Variants in IL17RC observed in about 807,000 individuals in gnomAD.
IL17RC encodes the protein interleukin 17 receptor C, also known as interleukin-17 receptor C.
In IL17RC, 53 loss-of-function variants were observed where a neutral mutation model predicts 86.7. The ratio of observed to expected loss-of-function variants is 0.61; its 90% CI spans 0.49 to 0.77. The LOEUF (loss-of-function observed/expected upper bound fraction) is 0.77. IL17RC is among the 30% of genes least tolerant of loss of function. IL17RC has a pLI of 0.00. For synonymous variants in IL17RC, 439 were observed against 413.1 expected (o/e 1.06, Z -0.76); for missense variants, 957 against 940.0 (o/e 1.02, Z -0.24).
At position 9,930,266 on chromosome 3, in the gene IL17RC, C is replaced by T. The variant is rs1253169263; in HGVS notation, c.1278+117C>T. On this transcript the variant is annotated intron_variant, in intron 14 of 18. Coordinates refer to ENST00000403601, the MANE Select transcript of IL17RC (RefSeq NM_153460.4). This position sits in a 1 kb window ranked among gnomAD's most constrained non-coding sequence, Gnocchi z 5.8. ...CTGGGAACATGGGGGGTGACTCAGA[C>T]CAGGGCCATATTCAGCGGCATCACC... 6.5e-7 allele frequency: 1 copy of T among 1,534,704 alleles called. No homozygotes were observed. The highest frequency in any genetic ancestry group is 1.4e-5 in the African/African-American group (1 of 73,448).
intron 7 of IL17RC, among the ~76,000 whole-genome samples, chr3:9,922,118 A>G (rs1442430370): frequency 6.6e-6 from 1 of 151,036 alleles, no homozygotes; most frequent in Non-Finnish European, 1.5e-5. Context: ...ACGCACAGCT[A>G]ATTTTTGTAT....
chr3:9,922,417 C>G (rs2083659036), intron 7 of IL17RC, among the ~76,000 whole-genome samples: 1 of 152,200 alleles, frequency 6.6e-6, no homozygotes, highest in Admixed American at 6.5e-5. Context: ...TTTGGCAACT[C>G]ATTAAAGACT....
rs1202313116 is a variant in IL17RC, at chr3:9,918,325, G to A, written c.281-10G>A. ...GCCTCACCCAGGGCCTTGCTCTTGG[G>A]TCCTTCTAGGGCACTGGGAAGAGCC... On this transcript the variant is annotated splice_polypyrimidine_tract_variant and intron_variant, in intron 3 of 18. Transcript: ENST00000403601. 1 of 1,575,998 alleles carries A rather than the reference G, an allele frequency of 6.3e-7. No individual in the cohort carries two copies. Among genetic ancestry groups the A allele is most frequent in the Non-Finnish European group, 8.6e-7 (1 of 1,161,408 alleles).
rs1349949075 is a variant in IL17RC at position 9,918,056 on chromosome 3, T to C, written c.261T>C (p.Ala87=). The C allele has an allele frequency of 1.3e-6, 2 of 1,587,994 alleles. No homozygotes were observed. The highest frequency in any genetic ancestry group is 1.7e-6 in the Non-Finnish European group (2 of 1,167,248). Residue 87 remains alanine (A), a synonymous_variant, in exon 3 of 19, where the codon GCT becomes GCC. Coordinates refer to ENST00000403601, the MANE Select transcript of IL17RC (RefSeq NM_153460.4). ...ACTGTGACCTCTGTCTGCGTGTGGC[T>C]GTCCACTTGGCCGTGCATGGTGAGC... The part of the protein sequence containing the change: ...ETDCDLCLRV[A]VHLAVHGHWE...
At chr3:9,931,470 C>CATATATATATATATAT (rs1553593529) in intron 16 of IL17RC, among the ~76,000 whole-genome samples, 80 of 43,610 alleles carry the variant, frequency 1.8e-3, no homozygotes, top group Admixed American at 4.7e-3. Context: ...CACACACACA[C>CATATATATATATATAT]ATATATATAT....
At chr3:9,929,603 A>C in intron 12 of IL17RC, 1 of 556,028 alleles carries the variant, frequency 1.8e-6, no homozygotes, top group Non-Finnish European at 3.2e-6. Flanking sequence ...TGAGAGGGGA[A>C]CCATGCTCCG....
chr3:9,929,747 C>A, intron 12 of IL17RC, 105 bp from the exon 13 acceptor site: 1 of 1,212,828 alleles, frequency 8.2e-7, no homozygotes, highest in Non-Finnish European at 1.2e-6. Context: ...AGATTGAGTG[C>A]AGATTCCCAA....
intron 8 of IL17RC, 95 bp from the exon 9 acceptor site, chr3:9,924,137 G>A: frequency 6.2e-7 from 1 of 1,608,070 alleles, no homozygotes; most frequent in African/African-American, 1.3e-5. Flanking sequence ...AGGGAAAATT[G>A]GTGGGGGAAC....
chr3:9,924,371 C>T (rs957049370), intron 9 of IL17RC, 80 bp downstream of exon 9: 41 of 1,424,484 alleles, frequency 2.9e-5, no homozygotes, highest in Non-Finnish European at 3.8e-5. Flanking sequence ...CCTGGTCTCA[C>T]CATTCTTCAA....
intron 7 of IL17RC, among the ~76,000 whole-genome samples, chr3:9,923,107 G>A (rs1369523370): frequency 1.3e-5 from 2 of 148,226 alleles, no homozygotes; most frequent in Non-Finnish European, 3.0e-5. Flanking sequence ...ACCCCAGGAG[G>A]CAGAGCTTGC....
chr3:9,930,313 C>A lies in IL17RC; in HGVS notation c.1279-87C>A. 1.9e-6 allele frequency: 3 copies of A among 1,550,958 alleles called. No homozygotes were observed. Among genetic ancestry groups the A allele is most frequent in the South Asian group, 2.3e-5 (2 of 88,704 alleles). The stretch of plus-strand genomic sequence containing the variant: ...CACCAAAGTCTCCCAGTCCCCTCTA[C>A]CTCATTCTACCCAGCTGTAGCCTGG... On this transcript the variant is annotated intron_variant, in intron 14 of 18. Transcript: ENST00000403601. This position sits in a 1 kb window ranked among gnomAD's most constrained non-coding sequence, Gnocchi z 5.8.
chr3:9,923,824 G>A (rs976510767), intron 7 of IL17RC, 57 bp from the exon 8 acceptor site: 56 of 1,587,024 alleles, frequency 3.5e-5, no homozygotes, highest in Admixed American at 6.7e-5. Flanking sequence ...AGGGTCAGTC[G>A]GGGATGCAGA....
At chr3:9,928,049 G>A (rs2084259808) in intron 9 of IL17RC, 117 bp from the exon 10 acceptor site, 1 of 954,114 alleles carries the variant, frequency 1.0e-6, no homozygotes, top group Non-Finnish European at 1.7e-6. Flanking sequence ...TAAAAGGCAG[G>A]AAGACCCAGC....
Position 9,928,283 on chromosome 3 carries a change from T to C in IL17RC, c.878-22T>C, listed in dbSNP as rs9850076. The C allele has an allele frequency of 6.1e-3, 9,836 of 1,612,154 alleles. 530 individuals are homozygous for C. The African/African-American group carries it at 0.12, about 19-fold the overall frequency. ...CGAGCGATGGGTACCTGGCCTGCGG[T>C]GACTGTGCCCTTTCCTTGCAGACCC... On this transcript the variant is annotated intron_variant, in intron 10 of 18. Coordinates refer to ENST00000403601, the MANE Select transcript of IL17RC (RefSeq NM_153460.4).
At position 9,917,114 on chromosome 3, in the gene IL17RC, G is replaced by A; in HGVS notation, c.-202G>A. 8.6e-6 allele frequency: 5 copies of A among 583,646 alleles called. No individual in the cohort carries two copies. The highest frequency in any genetic ancestry group is 1.5e-5 in the Non-Finnish European group (5 of 327,952). The allele number at this position is 583,646 out of a possible 1,614,324, so 36.2% of individuals were successfully genotyped here. A position where few individuals can be genotyped will look rare whatever the true frequency, so the allele number is the denominator to read the frequency against. On this transcript the variant is annotated 5_prime_UTR_variant, in exon 1 of 19. In the 5' UTR this introduces an upstream ATG that the reference lacks. Transcript: ENST00000403601. ...CCGGGAGCCAAAACGAAAGCACTCCGTGCTGGAAGTAGGAGGAGAGTCAGG... is the reference window on the plus strand; with the variant it reads ...CCGGGAGCCAAAACGAAAGCACTCCATGCTGGAAGTAGGAGGAGAGTCAGG...
At chr3:9,932,542 G>T in intron 16 of IL17RC, 66 bp from the exon 17 acceptor site, 2 of 1,437,308 alleles carry the variant, frequency 1.4e-6, no homozygotes, top group Non-Finnish European at 2.0e-6. Context: ...ATTCATTTCT[G>T]TTAAGTCTCA....
At chr3:9,931,055 A>T in intron 16 of IL17RC, 112 bp downstream of exon 16, 2 of 858,194 alleles carry the variant, frequency 2.3e-6, no homozygotes, top group Non-Finnish European at 4.0e-6. Flanking sequence ...GAGATCAGAT[A>T]AACAGAGGGT....
At chr3:9,924,162 T>G in intron 8 of IL17RC, 70 bp from the exon 9 acceptor site, 1 of 1,609,366 alleles carries the variant, frequency 6.2e-7, no homozygotes, top group African/African-American at 1.3e-5. Flanking sequence ...GCCTTCCTGG[T>G]TTCCTTGACT....
chr3:9,920,594 A>G lies in IL17RC; in HGVS notation c.569A>G (p.Gln190Arg). Residue 190 changes from glutamine (Q) to arginine (R), a missense_variant, in exon 6 of 19, where the codon CAG becomes CGG. Coordinates refer to ENST00000403601, the MANE Select transcript of IL17RC (RefSeq NM_153460.4). ...GAGAAGGAACTCAACCACACACAGC[A>G]GCTGCCTGGTAAGTGGACCCCCAAG... is the stretch of plus-strand genomic sequence containing the variant. ...RYEKELNHTQ[Q>R]LPDCRGLEVW... 3 of 1,599,654 alleles carry G rather than the reference A, an allele frequency of 1.9e-6. No individual in the cohort carries two copies. The highest frequency in any genetic ancestry group is 2.6e-6 in the Non-Finnish European group (3 of 1,170,922).
Sources: gnomAD v4.1 joint callset for allele counts (sites outside exome capture counted in the v4.1 genomes callset) on GRCh38, gnomAD v4.1.1 for gene constraint, Gnocchi (gnomAD v3.1) non-coding constraint, MANE v1.5 for transcripts, NCBI Gene and HGNC (gene_info 2026-07-23, HGNC 2026-07-21) for gene names.